Variants in TAOK2 observed in about 807,000 individuals in gnomAD.
The protein encoded by TAOK2 is TAO kinase 2.
TAOK2 carries 42 observed loss-of-function variants against 122.5 expected under a neutral mutation model. The ratio of observed to expected loss-of-function variants is 0.34; its 90% confidence interval spans 0.27 to 0.44. The LOEUF (loss-of-function observed/expected upper bound fraction) is 0.44. TAOK2 is among the 20% of genes least tolerant of loss of function. The probability of loss-of-function intolerance (pLI) is 1.00; values close to 1 mark genes in which losing one functional copy is unlikely to be tolerated. For synonymous variants in TAOK2, 704 were observed against 677.6 expected, an observed-to-expected ratio of 1.04 and a Z score of -0.61; for missense variants, 1,264 against 1,644.9, an observed-to-expected ratio of 0.77 and a Z score of 4.01.
chr16:29,975,229 A>G (rs1051426477), intron 1 of TAOK2, among the ~76,000 whole-genome samples: 10 of 152,088 alleles, frequency 6.6e-5, no homozygotes, highest in Non-Finnish European at 1.5e-4. Context: ...CATTTGTCAA[A>G]CGATCTGTCT....
intron 2 of TAOK2, 43 bp downstream of exon 2, chr16:29,977,947 T>C (rs1443534729): frequency 1.2e-6 from 2 of 1,613,428 alleles, no homozygotes; most frequent in Non-Finnish European, 1.7e-6. Flanking sequence ...TGGGGACTCT[T>C]CCTATCCCTG....
At chr16:29,976,384 C>A (rs1203760083) in intron 1 of TAOK2, among the ~76,000 whole-genome samples, 1 of 152,196 alleles carries the variant, frequency 6.6e-6, no homozygotes, top group African/African-American at 2.4e-5. Context: ...ACTGGAGAGT[C>A]AGGCTCCCTC....
At chr16:29,975,479 C>T (rs1378574425) in intron 1 of TAOK2, among the ~76,000 whole-genome samples, 2 of 152,136 alleles carry the variant, frequency 1.3e-5, no homozygotes, top group Non-Finnish European at 2.9e-5. Context: ...GGCCAGGGGT[C>T]CCTAGGAGTC....
downstream of TAOK2, chr16:29,991,332 C>G: frequency 6.2e-7 from 1 of 1,604,218 alleles, no homozygotes; most frequent in Non-Finnish European, 8.5e-7. The surrounding 1 kb of genome is among the most constrained non-coding windows in gnomAD (Gnocchi z 5.6). Flanking sequence ...TCAGCCGTCT[C>G]TGCTGGCTCC....
chr16:29,982,691 G>A, intron 10 of TAOK2, 43 bp from the exon 11 acceptor site: 1 of 1,589,180 alleles, frequency 6.3e-7, no homozygotes. Flanking sequence ...GGTTGTGGGG[G>A]GAAGGGGAGT....
rs1355435415 is a variant in TAOK2, at chr16:29,985,088, G to A, written c.1423-125G>A. ...ACAGGCTAGAGTGGCCGTGTGTGAG[G>A]AAGGTGTTAAATGAGAATGAAACCC... is the stretch of plus-strand genomic sequence containing the variant. On this transcript the variant is annotated intron_variant, in intron 13 of 15. Coordinates refer to ENST00000308893, the MANE Select transcript of TAOK2 (RefSeq NM_016151.4). The surrounding 1 kb of genome is among the most constrained non-coding windows in gnomAD (Gnocchi z 6.9). 3 of 1,235,704 alleles carry A rather than the reference G, an allele frequency of 2.4e-6. No homozygotes were observed. The highest frequency in any genetic ancestry group is 2.7e-5 in the Admixed American group (1 of 36,464). 76.5% of individuals were successfully genotyped at this position (1,235,704 alleles called of 1,614,324 possible).
rs758342146 is a variant in TAOK2, at chr16:29,985,811, C to G, written c.1942C>G (p.Arg648Gly). 1 of 1,611,970 alleles carries G rather than the reference C, an allele frequency of 6.2e-7. No homozygotes were observed. The highest frequency in any genetic ancestry group is 1.7e-5 in the Admixed American group (1 of 59,994). ...YFELQCRQYK[R>G]KMLLARHSLD... ...TGAGCTGCAGTGTCGCCAGTACAAG[C>G]GCAAGATGTTGCTGGCTCGGCACAG... is the stretch of plus-strand genomic sequence containing the variant. Residue 648 changes from arginine (R) to glycine (G), a missense_variant, in exon 15 of 16, where the codon CGC (arginine) becomes GGC (glycine). This residue lies in a region of TAOK2 where 824 missense variants were observed against 908.7 expected (regional missense o/e 0.91). Transcript: ENST00000308893. The surrounding 1 kb of genome is among the most constrained non-coding windows in gnomAD (Gnocchi z 6.9).
chr16:29,977,935 G>A (rs1401245310), intron 2 of TAOK2, 31 bp downstream of exon 2: 2 of 1,613,952 alleles, frequency 1.2e-6, no homozygotes, highest in African/African-American at 2.7e-5. Flanking sequence ...GTGTAATAGG[G>A]ATGGGGACTC....
In TAOK2 at chr16:29,987,985, C is replaced by CTCCAGCCCT; in HGVS notation, c.*14_*22dup. 6.6e-7 allele frequency: 1 copy of CTCCAGCCCT among 1,518,008 alleles called. No homozygotes were observed. The highest frequency in any genetic ancestry group is 8.8e-7 in the Non-Finnish European group (1 of 1,140,880). 94.0% of individuals were successfully genotyped at this position (1,518,008 alleles called of 1,614,324 possible). A position where few individuals can be genotyped will look rare whatever the true frequency, so the allele number is the denominator to read the frequency against. On this transcript the variant is annotated 3_prime_UTR_variant, in exon 16 of 16. Transcript: ENST00000308893. ...GCCCTGCCCCCCTGGAGGTAGCTGA[C>CTCCAGCCCT]TCCAGCCCTTCCAGCCCAAATCTAG...
intron 4 of TAOK2, 88 bp downstream of exon 4, chr16:29,978,441 G>A (rs1289527412): frequency 2.1e-5 from 29 of 1,394,198 alleles, no homozygotes; most frequent in African/African-American, 2.8e-5. Context: ...GTCCCTGTTC[G>A]TGGTGCTGTT....
Position 29,983,341 on chromosome 16 carries a change from C to A in TAOK2, c.1260+9C>A. ...TTATCCACCGGCTGCCGGTACACAG[C>A]TCACCCTTGGGGGACCCGAGCCACC... On this transcript the variant is annotated intron_variant, in intron 12 of 15. Transcript: ENST00000308893. 6.3e-7 allele frequency: 1 copy of A among 1,589,732 alleles called. No individual in the cohort carries two copies. Among genetic ancestry groups the A allele is most frequent in the Non-Finnish European group, 8.5e-7 (1 of 1,172,944 alleles).
chr16:29,978,217 A>G, intron 3 of TAOK2, 35 bp from the exon 4 acceptor site: 1 of 1,613,936 alleles, frequency 6.2e-7, no homozygotes, highest in East Asian at 2.2e-5. Context: ...CTCAAGATGC[A>G]AGCTGGGTAA....
At chr16:29,981,639 T>C in intron 8 of TAOK2, 22 bp from the exon 9 acceptor site, 1 of 1,612,860 alleles carries the variant, frequency 6.2e-7, no homozygotes, top group Non-Finnish European at 8.5e-7. Flanking sequence ...CTCACCTTCT[T>C]CCCTTTCACC....
chr16:29,991,506 C>G, downstream of TAOK2: 2 of 1,480,518 alleles, frequency 1.4e-6, no homozygotes, highest in Non-Finnish European at 1.8e-6. The surrounding 1 kb of genome is among the most constrained non-coding windows in gnomAD (Gnocchi z 5.6). Context: ...GCCCGGGCCC[C>G]TGAGCCGCAG....
chr16:29,980,441 G>T (rs1343474276), intron 8 of TAOK2: 3 of 152,314 alleles, frequency 2.0e-5, no homozygotes, highest in Non-Finnish European at 2.9e-5. Flanking sequence ...AGCCATGAGT[G>T]GCCCCCTGTT....
downstream of TAOK2, chr16:29,990,841 C>T (rs1048449454): frequency 2.5e-6 from 4 of 1,613,314 alleles, no homozygotes; most frequent in Admixed American, 5.0e-5. Context: ...GCAGCTTCAA[C>T]AGGAGCTGGA....
chr16:29,985,887 TC>T lies in TAOK2; in HGVS notation c.1992+29del. ...GTAGGCATCCCAATCTCTGTTCCCC[TC>T]CCGCTCACTCGTGGATCCCAGGGAC... On this transcript the variant is annotated intron_variant, in intron 15 of 15. Coordinates refer to ENST00000308893, the MANE Select transcript of TAOK2 (RefSeq NM_016151.4). The surrounding 1 kb of genome is among the most constrained non-coding windows in gnomAD (Gnocchi z 6.9). 1 of 1,603,610 alleles carries T rather than the reference TC, an allele frequency of 6.2e-7. No homozygotes were observed. The highest frequency in any genetic ancestry group is 8.5e-7 in the Non-Finnish European group (1 of 1,175,158).
intron 1 of TAOK2, among the ~76,000 whole-genome samples, chr16:29,975,555 A>C (rs571007653): frequency 1.3e-5 from 2 of 152,292 alleles, no homozygotes; most frequent in South Asian, 4.1e-4. Flanking sequence ...CTCTACTCAG[A>C]AGCTTTTCCT....
Position 29,981,701 on chromosome 16 carries a change from T to C in TAOK2, c.696T>C (p.Ser232=). Residue 232 remains serine (S), a synonymous_variant, in exon 9 of 16, where the codon AGT becomes AGC. Coordinates refer to ENST00000308893, the MANE Select transcript of TAOK2 (RefSeq NM_016151.4). ...CGCTCTTTAACATGAATGCGATGAGTGCCTTATACCACATTGCACAGAACG... is the reference window on the plus strand; with the variant it reads ...CGCTCTTTAACATGAATGCGATGAGCGCCTTATACCACATTGCACAGAACG... The part of the protein sequence containing the change: ...KPPLFNMNAM[S]ALYHIAQNES... 1.9e-6 allele frequency: 3 copies of C among 1,614,160 alleles called. No individual in the cohort carries two copies. The highest frequency in any genetic ancestry group is 2.5e-6 in the Non-Finnish European group (3 of 1,180,030).
Sources: allele counts gnomAD v4.1 joint callset (sites outside exome capture counted in the v4.1 genomes callset), GRCh38; gene constraint gnomAD v4.1.1; regional missense constraint gnomAD v4.1.1; non-coding constraint Gnocchi (gnomAD v3.1); transcripts MANE v1.5; gene names NCBI Gene and HGNC (gene_info 2026-07-23, HGNC 2026-07-21).